Variants in IPO11 observed in about 807,000 individuals in gnomAD.
IPO11 encodes the protein importin-11.
In IPO11, 66 loss-of-function variants were observed where a neutral mutation model predicts 143.2. The observed-to-expected ratio is 0.46, with a 90% CI of 0.38 to 0.57. The LOEUF (loss-of-function observed/expected upper bound fraction) is 0.57, where lower values mean the gene tolerates loss of function less well. IPO11 is among the 20% of genes least tolerant of loss of function. IPO11 has a pLI of 0.00. For synonymous variants in IPO11, 385 were observed against 377.8 expected (o/e 1.02, Z -0.22); for missense variants, 1,026 against 1,141.0 (o/e 0.90, Z 1.45).
chr5:62,479,110 C>T (rs537470820), intron 9 of IPO11, among the ~76,000 whole-genome samples: 252 of 152,248 alleles, frequency 1.7e-3, no homozygotes, highest in South Asian at 3.1e-3. Context: ...CGGCAGGCCC[C>T]GGTGTGTGAT....
Position 62,444,887 on chromosome 5 carries a change from CAT to C in IPO11, c.239+1813_239+1814del, listed in dbSNP as rs764557144. ...ATGTCTCAAAAGAGAGAGAGAGAGA[CAT>C]ATATATATGTATATATATATAAACA... On this transcript the variant is annotated intron_variant, in intron 3 of 29. Coordinates refer to ENST00000325324, the MANE Select transcript of IPO11 (RefSeq NM_016338.5). Among the ~76,000 whole-genome samples, 529 of 149,320 alleles carry C rather than the reference CAT, an allele frequency of 3.5e-3. 3 individuals carry two copies. The highest frequency in any genetic ancestry group is 0.011 in the African/African-American group (461 of 40,662).
At chr5:62,609,283 T>C (rs1039047405) in intron 29 of IPO11, among the ~76,000 whole-genome samples, 2 of 152,222 alleles carry the variant, frequency 1.3e-5, no homozygotes, top group Non-Finnish European at 2.9e-5. Flanking sequence ...CATCTGTTCT[T>C]GTAGGTTCTA....
intron 1 of IPO11, among the ~76,000 whole-genome samples, chr5:62,421,760 T>C (rs1446193566): frequency 1.3e-5 from 2 of 152,256 alleles, no homozygotes; most frequent in Non-Finnish European, 2.9e-5. Context: ...AATGATAAAA[T>C]GTAGAATAGT....
At chr5:62,613,666 C>T (rs2112469151) in intron 29 of IPO11, among the ~76,000 whole-genome samples, 1 of 152,136 alleles carries the variant, frequency 6.6e-6, no homozygotes, top group Non-Finnish European at 1.5e-5. Context: ...GGTCTATATT[C>T]CTTCCCTTTG....
intron 28 of IPO11, among the ~76,000 whole-genome samples, chr5:62,598,998 G>A (rs1228231467): frequency 6.6e-6 from 1 of 152,180 alleles, no homozygotes; most frequent in Non-Finnish European, 1.5e-5. Flanking sequence ...GGTTAACAAA[G>A]TGTGTGTCCC....
intron 29 of IPO11, among the ~76,000 whole-genome samples, chr5:62,618,730 T>A (rs879834137): frequency 7.9e-5 from 12 of 152,152 alleles, no homozygotes; most frequent in Non-Finnish European, 1.8e-4. Flanking sequence ...TAGGACCTGA[T>A]AGAAATAGAT....
At chr5:62,533,964 A>AAAAG (rs70981022) in intron 22 of IPO11, among the ~76,000 whole-genome samples, 29,354 of 148,476 alleles carry the variant, frequency 0.2, 2,993 homozygotes, top group African/African-American at 0.26. Context: ...AAAAAAAAAA[A>AAAAG]AAAGAAAGCC....
Position 62,506,352 on chromosome 5 carries a change from A to G in IPO11, c.1777A>G (p.Met593Val). The stretch of plus-strand genomic sequence containing the variant: ...TTCTTGTGTGATCGAAAGAGTCAAC[A>G]TGCAGGTAATTATATTGTAAAACAT... ...VLSCVIERVN[M>V]QIRPYVGCLV... The change falls in exon 19 of 30, where the codon ATG (methionine) becomes GTG (valine). Residue 593 changes from methionine to valine, a missense_variant. By Grantham distance (21) the Met-to-Val change is conservative. Coordinates refer to ENST00000325324, the MANE Select transcript of IPO11 (RefSeq NM_016338.5). The G allele has an allele frequency of 6.6e-7, 1 of 1,522,732 alleles. No individual in the cohort carries two copies. Among genetic ancestry groups the G allele is most frequent in the East Asian group, 2.3e-5 (1 of 44,278 alleles). 94.3% of individuals were successfully genotyped at this position (1,522,732 alleles called of 1,614,324 possible).
rs925501438 is a variant in IPO11, at chr5:62,488,892, A to T, written c.1310-410A>T. 7.9e-5 allele frequency among the ~76,000 whole-genome samples: 12 copies of T among 152,248 alleles called. No individual in the cohort carries two copies. In the East Asian group the frequency reaches 1.9e-3, roughly 24 times the overall value. On this transcript the variant is annotated intron_variant, in intron 13 of 29. Coordinates refer to ENST00000325324, the MANE Select transcript of IPO11 (RefSeq NM_016338.5). The stretch of plus-strand genomic sequence containing the variant: ...GTGGTTAGTACCTGTAGTCCTAGCT[A>T]TTCAGAAGGCTGAGGTTGGAGGATC...
intron 15 of IPO11, among the ~76,000 whole-genome samples, chr5:62,490,767 A>AT (rs887183957): frequency 3.3e-5 from 5 of 151,786 alleles, no homozygotes; most frequent in Admixed American, 6.6e-5. Context: ...GCCCAATTCT[A>AT]TTTTTTTTGA....
At position 62,622,167 on chromosome 5, in the gene IPO11, G is replaced by T. The variant is rs115530602; in HGVS notation, c.2764-4987G>T. Among the ~76,000 whole-genome samples, 1,080 of 152,160 alleles carry T rather than the reference G, an allele frequency of 7.1e-3. 13 individuals carry two copies. Among genetic ancestry groups the T allele is most frequent in the African/African-American group, 0.024 (1,016 of 41,530 alleles). ...TTCTTGAGAGGTTAGGCCTCAAAACGCTTGGCCCACGTTTTTCTGTAGCAG... is the reference window on the plus strand; with the variant it reads ...TTCTTGAGAGGTTAGGCCTCAAAACTCTTGGCCCACGTTTTTCTGTAGCAG... On this transcript the variant is annotated intron_variant, in intron 29 of 29. Coordinates refer to ENST00000325324, the MANE Select transcript of IPO11 (RefSeq NM_016338.5).
chr5:62,547,067 C>CTG (rs1743228501), intron 24 of IPO11, among the ~76,000 whole-genome samples: 1 of 152,108 alleles, frequency 6.6e-6, no homozygotes. Context: ...TTGAATCTAA[C>CTG]TGTTACGATG....
chr5:62,443,116 A>G, intron 3 of IPO11, 33 bp downstream of exon 3: 3 of 1,356,258 alleles, frequency 2.2e-6, no homozygotes, highest in African/African-American at 1.5e-5. Flanking sequence ...TTCCTTGAGT[A>G]TAATCCTTCC....
chr5:62,550,054 T>C (rs1489940751), intron 24 of IPO11, among the ~76,000 whole-genome samples: 1 of 152,202 alleles, frequency 6.6e-6, no homozygotes, highest in African/African-American at 2.4e-5. Flanking sequence ...TAAGGGTTAT[T>C]TGTTTACATT....
At chr5:62,606,632 C>T (rs558460032) in intron 29 of IPO11, among the ~76,000 whole-genome samples, 9 of 151,916 alleles carry the variant, frequency 5.9e-5, no homozygotes, top group Non-Finnish European at 2.9e-5. Flanking sequence ...GTCAGGAGAT[C>T]GAGACCACCC....
intron 5 of IPO11, among the ~76,000 whole-genome samples, chr5:62,464,285 C>T (rs1223090323): frequency 2.6e-5 from 4 of 151,194 alleles, no homozygotes; most frequent in Middle Eastern, 3.5e-3. Context: ...GGACTACAGA[C>T]GTGTACCACC....
intron 27 of IPO11, among the ~76,000 whole-genome samples, chr5:62,561,706 G>GT (rs1159531401): frequency 1.3e-5 from 2 of 151,762 alleles, no homozygotes; most frequent in Admixed American, 1.3e-4. Flanking sequence ...TTTGCAAGTT[G>GT]TTTTTTTTCT....
At chr5:62,581,110 GCAT>G (rs1744541657) in intron 27 of IPO11, 1 of 1,549,126 alleles carries the variant, frequency 6.5e-7, no homozygotes, top group Non-Finnish European at 8.7e-7. Flanking sequence ...AAAACTAAAG[GCAT>G]CAGAAAACTC....
At chr5:62,520,744 A>C (rs542500262) in intron 20 of IPO11, among the ~76,000 whole-genome samples, 1 of 152,244 alleles carries the variant, frequency 6.6e-6, no homozygotes, top group Non-Finnish European at 1.5e-5. Flanking sequence ...TTCTTAATCC[A>C]GTCTATCATT....
Sources: allele counts gnomAD v4.1 joint callset (sites outside exome capture counted in the v4.1 genomes callset), GRCh38; gene constraint gnomAD v4.1.1; transcripts MANE v1.5; gene names NCBI Gene and HGNC (gene_info 2026-07-23, HGNC 2026-07-21).